Variants in PPP2R2C observed in about 807,000 individuals in gnomAD.
The protein encoded by PPP2R2C is protein phosphatase 2, regulatory subunit B, gamma.
A neutral mutation model predicts 45.3 loss-of-function variants in PPP2R2C; 10 were observed. That is an observed-to-expected ratio of 0.22 (90% confidence interval 0.14 to 0.37). The LOEUF (loss-of-function observed/expected upper bound fraction) is 0.37, where lower values mean the gene tolerates loss of function less well. Among genes scored for constraint, PPP2R2C ranks in the 10% least tolerant of loss-of-function variants. The pLI, the probability that PPP2R2C is intolerant of heterozygous loss-of-function variation, is 1.00. For synonymous variants in PPP2R2C, 257 were observed against 245.4 expected, an observed-to-expected ratio of 1.05 and a Z score of -0.44; for missense variants, 308 against 619.7, an observed-to-expected ratio of 0.50 and a Z score of 5.34.
At chr4:6,380,653 G>A in intron 2 of PPP2R2C, among the ~76,000 whole-genome samples, 1 of 152,146 alleles carries the variant, frequency 6.6e-6, no homozygotes, top group East Asian at 1.9e-4. Context: ...TGGGATGCAG[G>A]CAGCTCTCCG....
upstream of PPP2R2C, among the ~76,000 whole-genome samples, chr4:6,477,329 G>C (rs766299275): frequency 6.6e-6 from 1 of 152,138 alleles, no homozygotes; most frequent in Non-Finnish European, 1.5e-5. Context: ...TTACCAAAGA[G>C]GTAACAGAAG....
intron 1 of PPP2R2C, among the ~76,000 whole-genome samples, chr4:6,452,540 G>T (rs1289989584): frequency 1.3e-5 from 2 of 152,242 alleles, no homozygotes; most frequent in Non-Finnish European, 2.9e-5. Flanking sequence ...GGAAACTGAG[G>T]CCCAGAGGGC....
In PPP2R2C at chr4:6,494,435, G is replaced by A. The variant is rs76454085; in HGVS notation, c.49+40836C>T. Among the ~76,000 whole-genome samples the A allele has an allele frequency of 8.3e-3, 1,261 of 152,270 alleles. 11 individuals are homozygous for A. The highest frequency in any genetic ancestry group is 0.011 in the Non-Finnish European group (742 of 68,004). ...AACAGACAGGAACACAGCACCTCCC[G>A]CATGCCAGGCCTTGCCCTCAAAGAG... On this transcript the variant is annotated intron_variant, in intron 2 of 9. Coordinates refer to the PPP2R2C transcript ENST00000506140.
Position 6,329,126 on chromosome 4 carries a change from G to T in PPP2R2C, c.1052+136C>A. On this transcript the variant is annotated intron_variant, in intron 8 of 8. Transcript: ENST00000382599. This position sits in a 1 kb window ranked among gnomAD's most constrained non-coding sequence, Gnocchi z 5.8. ...AGTTGGACCTGCTCTGGAAAGCGTGGGCTTCACCCAGACACCTGGACCCAT... is the reference window on the plus strand; with the variant it reads ...AGTTGGACCTGCTCTGGAAAGCGTGTGCTTCACCCAGACACCTGGACCCAT... 1.4e-6 allele frequency: 1 copy of T among 737,202 alleles called. No homozygotes were observed. The highest frequency in any genetic ancestry group is 2.3e-6 in the Non-Finnish European group (1 of 433,452). The allele number at this position is 737,202 out of a possible 1,614,324, so 45.7% of individuals were successfully genotyped here.
rs1036096470 is a variant in PPP2R2C, at chr4:6,331,988, G to C, written c.960+1574C>G. Among the ~76,000 whole-genome samples the C allele has an allele frequency of 1.5e-4, 23 of 152,216 alleles. No homozygotes were observed. Among genetic ancestry groups the C allele is most frequent in the Admixed American group, 1.1e-3 (17 of 15,288 alleles). On this transcript the variant is annotated intron_variant, in intron 7 of 8. Transcript: ENST00000382599. This position sits in a 1 kb window ranked among gnomAD's most constrained non-coding sequence, Gnocchi z 5.9. ...CTATTATTTTAGCATCAATAGGTCA[G>C]CTGGGCCAGATGCCAAGTGCCCAGC...
chr4:6,359,545 G>A (rs1404743185), intron 5 of PPP2R2C, among the ~76,000 whole-genome samples: 1 of 151,294 alleles, frequency 6.6e-6, no homozygotes, highest in African/African-American at 2.4e-5. Flanking sequence ...TAATATTTCG[G>A]GTATATTTAG....
intron 1 of PPP2R2C, among the ~76,000 whole-genome samples, chr4:6,450,573 G>C (rs1214175716): frequency 1.3e-5 from 2 of 152,292 alleles, no homozygotes; most frequent in East Asian, 1.9e-4. Context: ...CGGTGATAGG[G>C]GAGGGGCCTA....
At chr4:6,418,941 C>T (rs1050915543) in intron 1 of PPP2R2C, among the ~76,000 whole-genome samples, 1 of 151,464 alleles carries the variant, frequency 6.6e-6, no homozygotes, top group Admixed American at 6.6e-5. Flanking sequence ...CGGGCACCAG[C>T]CCAGTGCTTC....
chr4:6,381,177 G>A lies in PPP2R2C; in HGVS notation c.71-83C>T, dbSNP rs780972068. On this transcript the variant is annotated intron_variant, in intron 1 of 8. Transcript: ENST00000382599. Reference sequence around the variant, plus strand: ...TGCTCAACAGTGCCACAGCAATGGCGAGCTCCCCGCTCCCCGAGGCCCCAC... The same window carrying A: ...TGCTCAACAGTGCCACAGCAATGGCAAGCTCCCCGCTCCCCGAGGCCCCAC... 1.3e-5 allele frequency: 20 copies of A among 1,549,212 alleles called. No individual in the cohort carries two copies. In the East Asian group the frequency reaches 1.7e-4, roughly 13 times the overall value.
chr4:6,367,001 T>C (rs964685384), intron 5 of PPP2R2C, among the ~76,000 whole-genome samples: 2 of 151,662 alleles, frequency 1.3e-5, no homozygotes, highest in African/African-American at 4.9e-5. Flanking sequence ...TTCAGGCAAG[T>C]GTCTGGGGAG....
intron 1 of PPP2R2C, among the ~76,000 whole-genome samples, chr4:6,436,184 T>C (rs948904702): frequency 6.6e-6 from 1 of 152,166 alleles, no homozygotes; most frequent in Non-Finnish European, 1.5e-5. Flanking sequence ...TCCAGAACTG[T>C]GAGAGATAAA....
At chr4:6,359,066 T>C (rs1339073466) in intron 5 of PPP2R2C, among the ~76,000 whole-genome samples, 5 of 152,230 alleles carry the variant, frequency 3.3e-5, no homozygotes, top group Non-Finnish European at 5.9e-5. Context: ...TGCGGCGCTA[T>C]TCACAATAGC....
At chr4:6,370,261 C>T (rs1198713086) in intron 5 of PPP2R2C, among the ~76,000 whole-genome samples, 4 of 152,212 alleles carry the variant, frequency 2.6e-5, no homozygotes, top group East Asian at 3.9e-4. Context: ...CCCCAGCCTC[C>T]GTTTCCTCAT....
chr4:6,383,447 C>T, intron 1 of PPP2R2C: 1 of 1,287,488 alleles, frequency 7.8e-7, no homozygotes, highest in Non-Finnish European at 1.0e-6. Context: ...CTGCTTATTC[C>T]CCTCCAAACA....
chr4:6,442,146 T>C (rs1720187991), intron 1 of PPP2R2C, among the ~76,000 whole-genome samples: 1 of 152,248 alleles, frequency 6.6e-6, no homozygotes, highest in African/African-American at 2.4e-5. Context: ...ATGAGGACTC[T>C]GTGGCCTGAT....
At chr4:6,458,573 A>T (rs1242316619) in intron 1 of PPP2R2C, among the ~76,000 whole-genome samples, 1 of 152,142 alleles carries the variant, frequency 6.6e-6, no homozygotes, top group African/African-American at 2.4e-5. Flanking sequence ...CAACCTGTGA[A>T]TTTGGAGGGG....
At chr4:6,474,079 G>A (rs990948786), upstream of PPP2R2C, among the ~76,000 whole-genome samples, 25 of 152,314 alleles carry the variant, frequency 1.6e-4, no homozygotes, top group African/African-American at 6.0e-4. Flanking sequence ...GCAAGGGCCG[G>A]AAGGATGTGC....
At position 6,512,563 on chromosome 4, in the gene PPP2R2C, G is replaced by A. The variant is rs796685243; in HGVS notation, c.49+22708C>T. Among the ~76,000 whole-genome samples, 287 of 108,958 alleles carry A rather than the reference G, an allele frequency of 2.6e-3. 4 individuals are homozygous for A. Among genetic ancestry groups the A allele is most frequent in the African/African-American group, 1.0e-2 (254 of 25,506 alleles). 71.5% of individuals were successfully genotyped at this position (108,958 alleles called of 152,430 possible). ...GGTGGTGATGGTGGTGATGGTGGTG[G>A]TGGTGGTGATGGTGATGGTGGTGAT... On this transcript the variant is annotated intron_variant, in intron 2 of 9. Transcript: ENST00000506140.
In PPP2R2C at chr4:6,386,815, A is replaced by G. The variant is rs542499670; in HGVS notation, c.71-5721T>C. ...AATAGAGATTTTTAAACTTGCTATG[A>G]TAACTGTGTTAAAAGACGTAAAGAA... On this transcript the variant is annotated intron_variant, in intron 1 of 8. Transcript: ENST00000382599. 5.2e-5 allele frequency among the ~76,000 whole-genome samples: 8 copies of G among 152,388 alleles called. No homozygotes were observed. The East Asian group carries it at 1.5e-3, about 29-fold the overall frequency.
Sources: gnomAD v4.1 joint callset for allele counts (sites outside exome capture counted in the v4.1 genomes callset) on GRCh38, gnomAD v4.1.1 for gene constraint, Gnocchi (gnomAD v3.1) non-coding constraint, MANE v1.5 for transcripts, NCBI Gene and HGNC (gene_info 2026-07-23, HGNC 2026-07-21) for gene names.